PEX5L: variants seen among roughly 807,000 people sequenced by gnomAD.
PEX5L encodes the protein PEX5-related protein.
PEX5L carries 30 observed loss-of-function variants against 84.0 expected under a neutral mutation model. The ratio of observed to expected loss-of-function variants is 0.36; its 90% CI spans 0.27 to 0.48. The LOEUF is 0.48. Among genes scored for constraint, PEX5L ranks in the 20% least tolerant of loss-of-function variants. The pLI, the probability that PEX5L is intolerant of heterozygous loss-of-function variation, is 0.99. For synonymous variants in PEX5L, 270 were observed against 283.1 expected (o/e 0.95, Z 0.46); for missense variants, 533 against 754.6 (o/e 0.71, Z 3.44).
rs555240480 is a variant in PEX5L at position 180,007,150 on chromosome 3, T to C, written c.21+29429A>G. On this transcript the variant is annotated intron_variant, in intron 1 of 14. Coordinates refer to ENST00000467460, the MANE Select transcript of PEX5L (RefSeq NM_016559.3). ...TTCCTAGATACAATGGGGGTACAGG[T>C]ATTGGGTAAATACAGCTGTTCCAAA... is the stretch of plus-strand genomic sequence containing the variant. Among the ~76,000 whole-genome samples the C allele has an allele frequency of 2.0e-5, 3 of 152,104 alleles. No individual in the cohort carries two copies. In the South Asian group the frequency reaches 6.2e-4, roughly 32 times the overall value.
chr3:179,876,835 T>C (rs1001298764), intron 5 of PEX5L, among the ~76,000 whole-genome samples: 2 of 147,630 alleles, frequency 1.4e-5, no homozygotes, highest in Non-Finnish European at 3.0e-5. Context: ...TCCAGGTTGA[T>C]TATTCCTTAT....
chr3:179,832,841 C>A (rs539947863), intron 8 of PEX5L, among the ~76,000 whole-genome samples: 1 of 152,240 alleles, frequency 6.6e-6, no homozygotes, highest in East Asian at 1.9e-4. Context: ...CCCTACCCAC[C>A]TACCTACCTA....
intron 2 of PEX5L, among the ~76,000 whole-genome samples, chr3:179,959,665 T>C (rs1433201126): frequency 6.6e-6 from 1 of 152,176 alleles, no homozygotes; most frequent in Non-Finnish European, 1.5e-5. Flanking sequence ...AATGAAAAAT[T>C]ATATTTTTTC....
At chr3:179,948,496 C>T (rs1194163178) in intron 2 of PEX5L, among the ~76,000 whole-genome samples, 2 of 152,088 alleles carry the variant, frequency 1.3e-5, no homozygotes, top group African/African-American at 4.8e-5. Context: ...GTCATCTGAC[C>T]AGAGAAGATG....
chr3:180,001,935 T>C (rs1193739327), intron 1 of PEX5L, among the ~76,000 whole-genome samples: 2 of 152,194 alleles, frequency 1.3e-5, no homozygotes, highest in Non-Finnish European at 2.9e-5. Context: ...TATTTAACCA[T>C]ATACATATAG....
chr3:180,030,083 T>C (rs57019051), intron 1 of PEX5L, among the ~76,000 whole-genome samples: 4,442 of 152,300 alleles, frequency 0.029, 225 homozygotes, highest in African/African-American at 0.1. Context: ...TGTCAGAGGC[T>C]CACCCAAATA....
intron 7 of PEX5L, among the ~76,000 whole-genome samples, chr3:179,867,146 C>T (rs1748622272): frequency 6.6e-6 from 1 of 151,784 alleles, no homozygotes; most frequent in Admixed American, 6.6e-5. Context: ...TAGTCCCCAT[C>T]TCCCTTCAAC....
intron 1 of PEX5L, among the ~76,000 whole-genome samples, chr3:180,006,262 A>T (rs1156976512): frequency 1.3e-5 from 2 of 152,128 alleles, no homozygotes; most frequent in Admixed American, 6.5e-5. Context: ...CAGGCCTTAT[A>T]TTCCCTTCGC....
chr3:180,000,550 G>A lies in PEX5L; in HGVS notation c.22-28885C>T, dbSNP rs187193271. 1.9e-3 allele frequency among the ~76,000 whole-genome samples: 294 copies of A among 152,252 alleles called. 2 individuals carry two copies. Among genetic ancestry groups the A allele is most frequent in the Non-Finnish European group, 2.4e-3 (166 of 68,024 alleles). On this transcript the variant is annotated intron_variant, in intron 1 of 14. Transcript: ENST00000467460. ...GGTGAATCAAAGGGAATACAGAATG[G>A]GTAGCAGAAGGAGGTAGTCATCAAT...
intron 1 of PEX5L, among the ~76,000 whole-genome samples, chr3:179,998,857 G>A (rs558892111): frequency 3.3e-4 from 51 of 152,338 alleles, no homozygotes; most frequent in African/African-American, 1.2e-3. Flanking sequence ...TGCACCAATG[G>A]CCTCAGGGGG....
intron 2 of PEX5L, among the ~76,000 whole-genome samples, chr3:179,955,356 TGAGA>T (rs1298661306): frequency 6.6e-6 from 1 of 152,174 alleles, no homozygotes; most frequent in Non-Finnish European, 1.5e-5. Flanking sequence ...ACTTACTTCG[TGAGA>T]GAAAGTTCTC....
At chr3:180,030,714 A>G (rs1005141227) in intron 1 of PEX5L, among the ~76,000 whole-genome samples, 7 of 152,138 alleles carry the variant, frequency 4.6e-5, no homozygotes, top group Admixed American at 6.5e-5. Context: ...TTCTCCTGGA[A>G]TTTCCATGAT....
chr3:180,020,754 A>C (rs992834694), intron 1 of PEX5L, among the ~76,000 whole-genome samples: 2 of 152,220 alleles, frequency 1.3e-5, no homozygotes, highest in Admixed American at 6.5e-5. Flanking sequence ...TTTAAAGGGA[A>C]TAGTTCATTT....
intron 8 of PEX5L, among the ~76,000 whole-genome samples, chr3:179,828,606 C>T (rs1275294591): frequency 6.6e-6 from 1 of 151,922 alleles, no homozygotes; most frequent in Non-Finnish European, 1.5e-5. Flanking sequence ...TTTTAAATCT[C>T]TGAGAGGGGT....
At chr3:180,025,999 G>A (rs371711960) in intron 1 of PEX5L, among the ~76,000 whole-genome samples, 2 of 152,250 alleles carry the variant, frequency 1.3e-5, no homozygotes, top group African/African-American at 2.4e-5. Flanking sequence ...GACACTATGT[G>A]GTGAAGCCAT....
At chr3:179,961,807 C>G (rs1319430071) in intron 2 of PEX5L, among the ~76,000 whole-genome samples, 1 of 152,166 alleles carries the variant, frequency 6.6e-6, no homozygotes, top group East Asian at 1.9e-4. Context: ...ACCGAGTTCA[C>G]CTGCATGGTT....
intron 2 of PEX5L, among the ~76,000 whole-genome samples, chr3:179,910,805 C>A (rs1296790929): frequency 6.6e-6 from 1 of 152,150 alleles, no homozygotes; most frequent in African/African-American, 2.4e-5. Context: ...GTATAATTCA[C>A]CTTTCTATGG....
At chr3:179,863,025 G>T (rs1193570863) in intron 7 of PEX5L, among the ~76,000 whole-genome samples, 1 of 152,134 alleles carries the variant, frequency 6.6e-6, no homozygotes, top group Non-Finnish European at 1.5e-5. Flanking sequence ...GAGCCCAGAA[G>T]TAAACCCATG....
At chr3:179,883,640 G>A (rs545398869) in intron 4 of PEX5L, among the ~76,000 whole-genome samples, 150 of 152,216 alleles carry the variant, frequency 9.9e-4, no homozygotes, top group African/African-American at 3.4e-3. Flanking sequence ...AAAATTAGCC[G>A]GGCGTGGTGG....
Sources: allele counts gnomAD v4.1 joint callset (sites outside exome capture counted in the v4.1 genomes callset), GRCh38; gene constraint gnomAD v4.1.1; transcripts MANE v1.5; gene names NCBI Gene and HGNC (gene_info 2026-07-23, HGNC 2026-07-21).